The following MRC2 variants were observed in gnomAD, a reference collection of about 807,000 sequenced individuals.
MRC2 encodes C-type mannose receptor 2.
Under a neutral mutation model 206.2 loss-of-function variants are expected in MRC2, and 84 were observed. That is an observed-to-expected ratio of 0.41 (90% CI 0.34 to 0.49). The LOEUF is 0.49. Among genes scored for constraint, MRC2 ranks in the 20% least tolerant of loss-of-function variants. The pLI, the probability that MRC2 is intolerant of heterozygous loss-of-function variation, is 0.31. For synonymous variants in MRC2, 798 were observed against 800.0 expected, an observed-to-expected ratio of 1.00 and a Z score of 0.04; for missense variants, 1,676 against 2,001.5, an observed-to-expected ratio of 0.84 and a Z score of 3.10.
Position 62,666,914 on chromosome 17 carries a change from C to T in MRC2, c.973+44C>T, listed in dbSNP as rs2088764330. ...GGCGCAGGGCAGCATAGGGGCCCCG[C>T]GGGCTCTTGGCCTCCCATGGACTCC... On this transcript the variant is annotated intron_variant, in intron 5 of 29. Coordinates refer to ENST00000303375, the MANE Select transcript of MRC2 (RefSeq NM_006039.5). This position sits in a 1 kb window ranked among gnomAD's most constrained non-coding sequence, Gnocchi z 5.0. 2 of 1,513,626 alleles carry T rather than the reference C, an allele frequency of 1.3e-6. No homozygotes were observed. Among genetic ancestry groups the T allele is most frequent in the South Asian group, 1.1e-5 (1 of 87,032 alleles). 93.8% of individuals were successfully genotyped at this position (1,513,626 alleles called of 1,614,324 possible). A position where few individuals can be genotyped will look rare whatever the true frequency, so the allele number is the denominator to read the frequency against.
In MRC2 at chr17:62,675,313, G is replaced by A. The variant is rs567461893; in HGVS notation, c.1570-477G>A. On this transcript the variant is annotated intron_variant, in intron 9 of 29. Coordinates refer to ENST00000303375, the MANE Select transcript of MRC2 (RefSeq NM_006039.5). This position sits in a 1 kb window ranked among gnomAD's most constrained non-coding sequence, Gnocchi z 4.1. ...TGCCAGCCTCGCCTGCCAGGGTCTCGTCTCTGAGCCCCTCCTGCCATCCCC... is the reference window on the plus strand; with the variant it reads ...TGCCAGCCTCGCCTGCCAGGGTCTCATCTCTGAGCCCCTCCTGCCATCCCC... 8.5e-5 allele frequency among the ~76,000 whole-genome samples: 13 copies of A among 152,236 alleles called. No individual in the cohort carries two copies. The South Asian group carries it at 2.5e-3, about 29-fold the overall frequency.
intron 1 of MRC2, among the ~76,000 whole-genome samples, chr17:62,657,831 C>T (rs1227037973): frequency 1.3e-5 from 2 of 152,184 alleles, no homozygotes; most frequent in African/African-American, 4.8e-5. Context: ...TCCCCCTCCA[C>T]TAGGCCTTGG....
At chr17:62,660,431 C>T (rs1013227934) in intron 1 of MRC2, among the ~76,000 whole-genome samples, 1 of 152,184 alleles carries the variant, frequency 6.6e-6, no homozygotes, top group Non-Finnish European at 1.5e-5. Context: ...CAGCAAGAAA[C>T]AGCAGCTGGG....
Position 62,690,296 on chromosome 17 carries a change from T to C in MRC2, c.3883T>C (p.Cys1295Arg). Residue 1295 changes from cysteine to arginine, a missense_variant, in exon 26 of 30, where the codon TGC becomes CGC. Coordinates refer to ENST00000303375, the MANE Select transcript of MRC2 (RefSeq NM_006039.5). ...LLGHKEARQR[C>R]QRAGGAVLSI... ...GGGCCACAAGGAGGCGCGACAGCGCTGCCAGAGAGGTGGGTGACCAGGCCA... is the reference window on the plus strand; with the variant it reads ...GGGCCACAAGGAGGCGCGACAGCGCCGCCAGAGAGGTGGGTGACCAGGCCA... 1 of 1,610,550 alleles carries C rather than the reference T, an allele frequency of 6.2e-7. No individual in the cohort carries two copies. The highest frequency in any genetic ancestry group is 8.5e-7 in the Non-Finnish European group (1 of 1,178,202).
At chr17:62,633,146 C>T (rs980498600) in intron 1 of MRC2, among the ~76,000 whole-genome samples, 7 of 152,246 alleles carry the variant, frequency 4.6e-5, no homozygotes, top group Middle Eastern at 3.4e-3. Flanking sequence ...AGATATGTCC[C>T]TGGTACACTA....
intron 1 of MRC2, among the ~76,000 whole-genome samples, chr17:62,633,017 C>T (rs2088265346): frequency 6.6e-6 from 1 of 152,110 alleles, no homozygotes; most frequent in Non-Finnish European, 1.5e-5. Flanking sequence ...ATTGATGGCA[C>T]TCACCAGCTA....
At chr17:62,659,229 T>C (rs1227341346) in intron 1 of MRC2, among the ~76,000 whole-genome samples, 1 of 152,092 alleles carries the variant, frequency 6.6e-6, no homozygotes, top group East Asian at 1.9e-4. Context: ...CCTAATGCCA[T>C]CACCATGGGG....
rs1438718742 is a variant in MRC2, at chr17:62,680,705, G to A, written c.2474-95G>A. On this transcript the variant is annotated intron_variant, in intron 16 of 29. Transcript: ENST00000303375. This position sits in a 1 kb window ranked among gnomAD's most constrained non-coding sequence, Gnocchi z 4.8. ...TGTGCCTGCAGGCTCGCCTGCTGCC[G>A]CCTGGCTCTGCCCCGGCCCTGCCGC... 4.4e-6 allele frequency: 6 copies of A among 1,374,238 alleles called. No homozygotes were observed. The highest frequency in any genetic ancestry group is 5.7e-6 in the Non-Finnish European group (6 of 1,059,414). The allele number at this position is 1,374,238 out of a possible 1,614,324, so 85.1% of individuals were successfully genotyped here.
At chr17:62,645,219 T>C (rs149441619) in intron 1 of MRC2, among the ~76,000 whole-genome samples, 1 of 152,022 alleles carries the variant, frequency 6.6e-6, no homozygotes, top group African/African-American at 2.4e-5. Flanking sequence ...TAAATTTACA[T>C]AAAGTAAGCC....
Position 62,627,809 on chromosome 17 carries a change from CCCGG to C in MRC2, c.18_21del (p.Ala7ProfsTer110), listed in dbSNP as rs761184631. ...CTGAGCGCCGCGCTCGGGGATGGGGCCCGGCCGGCCGGCCCCCGCGCCCTGGCCT... is the reference window on the plus strand; with the variant it reads ...CTGAGCGCCGCGCTCGGGGATGGGGCCCGGCCGGCCCCCGCGCCCTGGCCT... On this transcript the variant is annotated frameshift_variant, in exon 1 of 30. Transcript: ENST00000303375. LOFTEE classifies it high-confidence loss of function. 2.1e-5 allele frequency: 30 copies of C among 1,440,880 alleles called. No homozygotes were observed. The highest frequency in any genetic ancestry group is 2.8e-5 in the Admixed American group (1 of 35,604). 89.3% of individuals were successfully genotyped at this position (1,440,880 alleles called of 1,614,324 possible).
intron 14 of MRC2, 59 bp downstream of exon 14, chr17:62,679,961 T>C: frequency 6.6e-7 from 1 of 1,517,584 alleles, no homozygotes; most frequent in Non-Finnish European, 8.9e-7. Context: ...GCGGGGCCTG[T>C]TTGGGGCGGG....
intron 28 of MRC2, 29 bp downstream of exon 28, chr17:62,691,157 C>T: frequency 6.4e-7 from 1 of 1,572,724 alleles, no homozygotes. Context: ...CACGCTCAGC[C>T]TCCTTCCACC....
At chr17:62,679,532 C>A in intron 13 of MRC2, 1 of 303,042 alleles carries the variant, frequency 3.3e-6, no homozygotes, top group Non-Finnish European at 6.1e-6. Flanking sequence ...CAGGGCACCC[C>A]CACCCAAAAG....
rs9901029 is a variant in MRC2 at position 62,692,580 on chromosome 17, G to A, written c.*129G>A. On this transcript the variant is annotated 3_prime_UTR_variant, in exon 30 of 30. Transcript: ENST00000303375. This position sits in a 1 kb window ranked among gnomAD's most constrained non-coding sequence, Gnocchi z 4.2. Reference sequence around the variant, plus strand: ...GTGCCCTTGGGAGTCGCTGTTGGGAGCCGGAGCTGGGCAGAGCCTGGGCTG... The same window carrying A: ...GTGCCCTTGGGAGTCGCTGTTGGGAACCGGAGCTGGGCAGAGCCTGGGCTG... 2.8e-3 allele frequency: 2,681 copies of A among 974,058 alleles called. 53 individuals carry two copies. The African/African-American group carries it at 0.036, about 13-fold the overall frequency. The allele number at this position is 974,058 out of a possible 1,614,324, so 60.3% of individuals were successfully genotyped here.
intron 1 of MRC2, among the ~76,000 whole-genome samples, chr17:62,656,961 T>G (rs1598977850): frequency 6.6e-6 from 1 of 152,166 alleles, no homozygotes; most frequent in Non-Finnish European, 1.5e-5. Flanking sequence ...AGCCCCAGCC[T>G]AGCAATCTTA....
At chr17:62,651,523 T>C (rs1394164357) in intron 1 of MRC2, among the ~76,000 whole-genome samples, 9 of 152,234 alleles carry the variant, frequency 5.9e-5, no homozygotes, top group Non-Finnish European at 1.3e-4. Context: ...CTACCTTTTT[T>C]GTCAAGTGTT....
intron 1 of MRC2, among the ~76,000 whole-genome samples, chr17:62,644,198 C>A (rs2088446309): frequency 6.6e-6 from 1 of 152,042 alleles, no homozygotes; most frequent in South Asian, 2.1e-4. Flanking sequence ...GTAAGTGGAT[C>A]ACTTGAGGTC....
chr17:62,671,887 T>C lies in MRC2; in HGVS notation c.1306+50T>C. 6.3e-7 allele frequency: 1 copy of C among 1,587,694 alleles called. No individual in the cohort carries two copies. The highest frequency in any genetic ancestry group is 8.6e-7 in the Non-Finnish European group (1 of 1,163,000). On this transcript the variant is annotated intron_variant, in intron 7 of 29. Coordinates refer to ENST00000303375, the MANE Select transcript of MRC2 (RefSeq NM_006039.5). The surrounding 1 kb of genome is among the most constrained non-coding windows in gnomAD (Gnocchi z 4.5). Reference sequence around the variant, plus strand: ...CTGGGTGGAGGGCAGGGCCTCCCACTGCCCCACCCATCCTGTCCAGGAGCC... The same window carrying C: ...CTGGGTGGAGGGCAGGGCCTCCCACCGCCCCACCCATCCTGTCCAGGAGCC...
chr17:62,687,436 A>G (rs2089045204), intron 20 of MRC2, among the ~76,000 whole-genome samples: 1 of 152,234 alleles, frequency 6.6e-6, no homozygotes, highest in Non-Finnish European at 1.5e-5. Context: ...CTGGGATTAC[A>G]GGTGTGAGCC....
Sources: gnomAD v4.1 joint callset for allele counts (sites outside exome capture counted in the v4.1 genomes callset) on GRCh38, gnomAD v4.1.1 for gene constraint, Gnocchi (gnomAD v3.1) non-coding constraint, MANE v1.5 for transcripts, NCBI Gene and HGNC (gene_info 2026-07-23, HGNC 2026-07-21) for gene names.